CHSY3: variants seen among roughly 807,000 people sequenced by gnomAD.
The protein encoded by CHSY3 is N-acetylgalactosaminyl-proteoglycan 3-beta-glucuronosyltransferase 3.
Under a neutral mutation model 67.2 loss-of-function variants are expected in CHSY3, and 35 were observed. The ratio of observed to expected loss-of-function variants is 0.52; its 90% CI spans 0.40 to 0.69. CHSY3 has a LOEUF of 0.69. Ranked by LOEUF, CHSY3 falls within the 30% of genes least tolerant of loss-of-function variation. The probability of loss-of-function intolerance (pLI) is 0.00; values close to 1 mark genes in which losing one functional copy is unlikely to be tolerated. For missense variants in CHSY3, 1,069 were observed against 1,138.5 expected, an observed-to-expected ratio of 0.94 and a Z score of 0.88; for synonymous variants, 474 against 434.7, an observed-to-expected ratio of 1.09 and a Z score of -1.12.
chr5:130,181,424 A>G (rs1373829064), intron 2 of CHSY3, among the ~76,000 whole-genome samples: 1 of 152,118 alleles, frequency 6.6e-6, no homozygotes, highest in Non-Finnish European at 1.5e-5. Context: ...ACTTGGGTGA[A>G]TAACTCTGGG....
Position 129,970,099 on chromosome 5 carries a change from C to T in CHSY3, c.1086+61739C>T, listed in dbSNP as rs1762595648. On this transcript the variant is annotated intron_variant, in intron 2 of 2. Coordinates refer to ENST00000305031, the MANE Select transcript of CHSY3 (RefSeq NM_175856.5). ...CCACTTGAAGGAGCTCCTCTCAGAT[C>T]AGCCTTGCCTTACTACTACATTTAA... Among the ~76,000 whole-genome samples, 3 of 151,990 alleles carry T rather than the reference C, an allele frequency of 2.0e-5. No individual in the cohort carries two copies. The South Asian group carries it at 6.2e-4, about 31-fold the overall frequency.
At position 130,163,348 on chromosome 5, in the gene CHSY3, A is replaced by G. The variant is rs116198488; in HGVS notation, c.1087-20881A>G. ...TTTTTAGAGAAATTAATAGACATAT[A>G]TATAGTAATTGTTTGTTTTGGCAAA... On this transcript the variant is annotated intron_variant, in intron 2 of 2. Transcript: ENST00000305031. Among the ~76,000 whole-genome samples the G allele has an allele frequency of 9.3e-3, 1,423 of 152,260 alleles. 18 individuals carry two copies. Among genetic ancestry groups the G allele is most frequent in the African/African-American group, 0.032 (1,320 of 41,540 alleles).
At chr5:130,085,915 C>T (rs772104821) in intron 2 of CHSY3, among the ~76,000 whole-genome samples, 6 of 152,100 alleles carry the variant, frequency 3.9e-5, no homozygotes, top group South Asian at 2.1e-4. Context: ...TGTAGTTGAG[C>T]GGTTTTGGGT....
At chr5:129,993,282 T>C (rs1362820145) in intron 2 of CHSY3, among the ~76,000 whole-genome samples, 2 of 152,132 alleles carry the variant, frequency 1.3e-5, no homozygotes, top group Non-Finnish European at 2.9e-5. Context: ...TTCCATCTCG[T>C]TGATCTGTTT....
At chr5:129,923,989 A>T (rs1012417863) in intron 2 of CHSY3, among the ~76,000 whole-genome samples, 9 of 152,328 alleles carry the variant, frequency 5.9e-5, no homozygotes, top group African/African-American at 1.7e-4. Flanking sequence ...ATTTAAAATT[A>T]AAAAATAAAT....
Position 130,118,683 on chromosome 5 carries a change from G to A in CHSY3, c.1087-65546G>A, listed in dbSNP as rs115938853. 6.5e-4 allele frequency among the ~76,000 whole-genome samples: 99 copies of A among 152,116 alleles called. 2 individuals carry two copies. The highest frequency in any genetic ancestry group is 2.2e-3 in the African/African-American group (93 of 41,478). Reference sequence around the variant, plus strand: ...TATCATCGATTTCCTTTTTCCACATGTAACCTTAAAATGAAGAATTTTGTC... The same window carrying A: ...TATCATCGATTTCCTTTTTCCACATATAACCTTAAAATGAAGAATTTTGTC... On this transcript the variant is annotated intron_variant, in intron 2 of 2. Transcript: ENST00000305031.
intron 2 of CHSY3, among the ~76,000 whole-genome samples, chr5:130,043,619 C>T (rs566047705): frequency 1.3e-5 from 2 of 152,190 alleles, no homozygotes; most frequent in Admixed American, 1.3e-4. Context: ...AGGACATTGA[C>T]GATACAATTA....
At chr5:129,924,524 T>A (rs897986972) in intron 2 of CHSY3, among the ~76,000 whole-genome samples, 36 of 151,760 alleles carry the variant, frequency 2.4e-4, no homozygotes, top group African/African-American at 8.7e-4. Flanking sequence ...CATGTGCCTG[T>A]AGTCCCAGCT....
At chr5:130,113,510 G>A (rs1480089623) in intron 2 of CHSY3, among the ~76,000 whole-genome samples, 2 of 152,078 alleles carry the variant, frequency 1.3e-5, no homozygotes, top group Non-Finnish European at 2.9e-5. Flanking sequence ...GTTATAGACG[G>A]GAATACAGAA....
chr5:130,179,470 C>A (rs1286973848), intron 2 of CHSY3, among the ~76,000 whole-genome samples: 1 of 152,060 alleles, frequency 6.6e-6, no homozygotes, highest in African/African-American at 2.4e-5. Context: ...TTAATAATAG[C>A]TTTCCACAGT....
intron 1 of CHSY3, chr5:129,905,887 CCT>C: frequency 1.3e-6 from 1 of 775,832 alleles, no homozygotes; most frequent in Non-Finnish European, 1.9e-6. Context: ...TTCGGTGCCG[CCT>C]CGCGCTTGTC....
chr5:130,140,168 T>G, intron 2 of CHSY3: 1 of 238,116 alleles, frequency 4.2e-6, no homozygotes, highest in Non-Finnish European at 8.2e-6. Flanking sequence ...TCTTCACTGG[T>G]AGTGAATGAT....
intron 1 of CHSY3, among the ~76,000 whole-genome samples, chr5:129,906,382 C>G (rs1760300725): frequency 6.6e-6 from 1 of 152,134 alleles, no homozygotes; most frequent in South Asian, 2.1e-4. Flanking sequence ...AGGAAAGCAC[C>G]CGCTAATAAG....
In CHSY3 at chr5:130,185,002, A is replaced by G. The variant is rs766776390; in HGVS notation, c.1860A>G (p.Lys620=). ...AAATGGGAGGGCACAATGAAAAGAA[A>G]GTACACATTCTCGTTCCTCTCATCG... ...AKEMGGHNEK[K]VHILVPLIGR... Residue 620 remains lysine, a synonymous_variant, in exon 3 of 3, where the codon AAA becomes AAG. Transcript: ENST00000305031. 6.4e-7 allele frequency: 1 copy of G among 1,559,152 alleles called. No individual in the cohort carries two copies. The highest frequency in any genetic ancestry group is 1.1e-5 in the South Asian group (1 of 89,972).
intron 2 of CHSY3, among the ~76,000 whole-genome samples, chr5:129,942,355 CT>C (rs1213689315): frequency 2.6e-5 from 4 of 152,136 alleles, no homozygotes; most frequent in African/African-American, 4.8e-5. Context: ...TCATTATTTT[CT>C]TATAAATGTT....
At chr5:129,968,699 GT>G (rs1328182882) in intron 2 of CHSY3, among the ~76,000 whole-genome samples, 2 of 151,796 alleles carry the variant, frequency 1.3e-5, no homozygotes, top group African/African-American at 4.8e-5. Context: ...TTGAATGAAG[GT>G]TTTTATTAAA....
At chr5:130,042,239 A>T (rs1765024812) in intron 2 of CHSY3, among the ~76,000 whole-genome samples, 1 of 151,632 alleles carries the variant, frequency 6.6e-6, no homozygotes, top group Non-Finnish European at 1.5e-5. Flanking sequence ...CTGTCTCCAA[A>T]TTTTTTTTTA....
chr5:130,102,179 A>G (rs1767267307), intron 2 of CHSY3, among the ~76,000 whole-genome samples: 1 of 152,122 alleles, frequency 6.6e-6, no homozygotes, highest in Non-Finnish European at 1.5e-5. Context: ...TTTCAGTGGT[A>G]TATTAAAGAA....
intron 2 of CHSY3, among the ~76,000 whole-genome samples, chr5:130,004,662 G>T (rs1763822842): frequency 6.6e-6 from 1 of 152,044 alleles, no homozygotes; most frequent in African/African-American, 2.4e-5. Flanking sequence ...GGGTTGAGTT[G>T]GCTCTGAATT....
Sources: allele counts gnomAD v4.1 joint callset (sites outside exome capture counted in the v4.1 genomes callset), GRCh38; gene constraint gnomAD v4.1.1; transcripts MANE v1.5; gene names NCBI Gene and HGNC (gene_info 2026-07-23, HGNC 2026-07-21).